TUSC3: variants seen among roughly 807,000 people sequenced by gnomAD.
TUSC3 encodes dolichyl-diphosphooligosaccharide--protein glycosyltransferase subunit TUSC3.
TUSC3 carries 45 observed loss-of-function variants against 44.8 expected under a neutral mutation model. The ratio of observed to expected loss-of-function variants is 1.00; its 90% confidence interval spans 0.79 to 1.29. The LOEUF (loss-of-function observed/expected upper bound fraction) is 1.29, where lower values mean the gene tolerates loss of function less well. Among genes scored for constraint, TUSC3 ranks in the 50% most tolerant of loss-of-function variants. TUSC3 has a pLI of 0.00. For synonymous variants in TUSC3, 212 were observed against 152.9 expected (o/e 1.39, Z -2.85); for missense variants, 519 against 437.9 (o/e 1.19, Z -1.65).
intron 1 of TUSC3, among the ~76,000 whole-genome samples, chr8:15,422,488 T>C (rs565389249): frequency 2.6e-5 from 4 of 152,164 alleles, no homozygotes; most frequent in African/African-American, 9.7e-5. Context: ...TTAGAAGATA[T>C]AAGTTCAAGA....
intron 2 of TUSC3, among the ~76,000 whole-genome samples, chr8:15,632,374 A>G (rs1805813183): frequency 6.6e-6 from 1 of 152,150 alleles, no homozygotes; most frequent in African/African-American, 2.4e-5. Context: ...TATAGCAGTT[A>G]GTTGGAATAC....
chr8:15,703,676 A>G (rs567063082), intron 6 of TUSC3, among the ~76,000 whole-genome samples: 1 of 152,198 alleles, frequency 6.6e-6, no homozygotes, highest in East Asian at 1.9e-4. Context: ...ATGTGTAGCA[A>G]TCAAATGGCG....
chr8:15,659,649 T>A lies in TUSC3; in HGVS notation c.567+2T>A. 1 of 1,612,318 alleles carries A rather than the reference T, an allele frequency of 6.2e-7. No individual in the cohort carries two copies. Among genetic ancestry groups the A allele is most frequent in the Non-Finnish European group, 8.5e-7 (1 of 1,179,424 alleles). On this transcript the variant is annotated splice_donor_variant, in intron 4 of 10. Transcript: ENST00000503731. LOFTEE classifies it high-confidence loss of function. ...ATTGCTGACAGAACGGATGTTCATGTATGTTTTTATTCCTCACAGTTTTAA... is the reference window on the plus strand; with the variant it reads ...ATTGCTGACAGAACGGATGTTCATGAATGTTTTTATTCCTCACAGTTTTAA...
At chr8:15,774,685 A>G in the TUSC3 span, among the ~76,000 whole-genome samples, 1 of 152,200 alleles carries the variant, frequency 6.6e-6, no homozygotes, top group East Asian at 1.9e-4. Flanking sequence ...TTGAGTAAAC[A>G]TCAGAGTAAA....
chr8:15,731,430 G>C (rs952036818), intron 7 of TUSC3, among the ~76,000 whole-genome samples: 1 of 152,022 alleles, frequency 6.6e-6, no homozygotes, highest in Admixed American at 6.6e-5. Flanking sequence ...CTAATATCCT[G>C]GTTACTAAGA....
chr8:15,691,604 G>A (rs1440125380), intron 6 of TUSC3, among the ~76,000 whole-genome samples: 1 of 152,138 alleles, frequency 6.6e-6, no homozygotes, highest in Non-Finnish European at 1.5e-5. Context: ...CAAGGGGAAT[G>A]TTTCCAGCTT....
At position 15,545,561 on chromosome 8, in the gene TUSC3, T is replaced by C. The variant is rs149328006; in HGVS notation, c.138+4993T>C. ...GTCAGTCAGTCCCTGCATTAGCAAG[T>C]TGTGTTAGAAACCCATGAGGAATTG... is the stretch of plus-strand genomic sequence containing the variant. On this transcript the variant is annotated intron_variant, in intron 1 of 10. Transcript: ENST00000503731. Among the ~76,000 whole-genome samples the C allele has an allele frequency of 8.6e-4, 130 of 151,924 alleles. 2 individuals carry two copies. Among genetic ancestry groups the C allele is most frequent in the African/African-American group, 3.0e-3 (124 of 41,532 alleles).
At chr8:15,686,738 A>T (rs1052256663) in intron 6 of TUSC3, among the ~76,000 whole-genome samples, 2 of 152,100 alleles carry the variant, frequency 1.3e-5, no homozygotes, top group Non-Finnish European at 2.9e-5. Flanking sequence ...ACCACCAGCA[A>T]AGAGAATGTT....
the TUSC3 span, among the ~76,000 whole-genome samples, chr8:15,785,052 AT>A: frequency 2.0e-5 from 3 of 151,980 alleles, no homozygotes; most frequent in African/African-American, 4.8e-5. Context: ...TTAAAAATGC[AT>A]TTTTTTAAAA....
At chr8:15,760,861 C>T (rs1250651260) in intron 10 of TUSC3, among the ~76,000 whole-genome samples, 3 of 152,138 alleles carry the variant, frequency 2.0e-5, no homozygotes, top group African/African-American at 4.8e-5. Context: ...CTTTCCTCAT[C>T]CAGTTTCTTC....
chr8:15,828,650 G>A, the TUSC3 span, among the ~76,000 whole-genome samples: 5 of 152,160 alleles, frequency 3.3e-5, no homozygotes, highest in African/African-American at 9.7e-5. Flanking sequence ...AACAGGAAAT[G>A]ATATTTTCCT....
chr8:15,515,828 C>A (rs546326583), intron 2 of TUSC3, among the ~76,000 whole-genome samples: 1 of 151,856 alleles, frequency 6.6e-6, no homozygotes, highest in Non-Finnish European at 1.5e-5. Context: ...CCACCACACC[C>A]GGCTATTTTT....
At chr8:15,825,492 C>A in the TUSC3 span, among the ~76,000 whole-genome samples, 1 of 152,108 alleles carries the variant, frequency 6.6e-6, no homozygotes, top group East Asian at 1.9e-4. Flanking sequence ...TTACCTCCCA[C>A]CAGGTCCCTC....
the TUSC3 span, among the ~76,000 whole-genome samples, chr8:15,842,719 TA>T: frequency 6.6e-6 from 1 of 152,200 alleles, no homozygotes; most frequent in Non-Finnish European, 1.5e-5. Flanking sequence ...GTCTGTGATG[TA>T]AACAAGTCTT....
intron 1 of TUSC3, among the ~76,000 whole-genome samples, chr8:15,551,374 C>T (rs1469884769): frequency 6.6e-6 from 1 of 151,604 alleles, no homozygotes; most frequent in Admixed American, 6.6e-5. Context: ...TAGAAGTTGA[C>T]TCATGATAAC....
chr8:15,649,116 AC>A (rs1806769818), intron 2 of TUSC3, among the ~76,000 whole-genome samples: 1 of 152,168 alleles, frequency 6.6e-6, no homozygotes, highest in Non-Finnish European at 1.5e-5. Context: ...AGTTACAGTT[AC>A]ACTTCCATTT....
At chr8:15,814,539 G>A in the TUSC3 span, among the ~76,000 whole-genome samples, 2 of 152,192 alleles carry the variant, frequency 1.3e-5, no homozygotes, top group Non-Finnish European at 2.9e-5. Context: ...TTGTGCTACT[G>A]CACTTTAGGT....
At chr8:15,666,508 C>T (rs1807667339) in intron 5 of TUSC3, among the ~76,000 whole-genome samples, 1 of 151,396 alleles carries the variant, frequency 6.6e-6, no homozygotes, top group Non-Finnish European at 1.5e-5. Context: ...ACAGTATTTA[C>T]ATTCATGAAA....
chr8:15,587,346 A>T (rs527977532), intron 1 of TUSC3, among the ~76,000 whole-genome samples: 17 of 152,182 alleles, frequency 1.1e-4, no homozygotes. Flanking sequence ...TTAAGGCAGC[A>T]TTATAACATT....
Sources: allele counts gnomAD v4.1 joint callset (sites outside exome capture counted in the v4.1 genomes callset), GRCh38; gene constraint gnomAD v4.1.1; transcripts MANE v1.5; gene names NCBI Gene and HGNC (gene_info 2026-07-23, HGNC 2026-07-21).